The following MGMT variants were observed in gnomAD, a reference collection of about 807,000 sequenced individuals.
MGMT encodes O-6-methylguanine-DNA methyltransferase.
Under a neutral mutation model 15.9 loss-of-function variants are expected in MGMT, and 14 were observed. The ratio of observed to expected loss-of-function variants is 0.88; its 90% CI spans 0.58 to 1.37. The LOEUF is 1.37. Among genes scored for constraint, MGMT ranks in the 40% most tolerant of loss-of-function variants. The probability of loss-of-function intolerance (pLI) is 0.00; values close to 1 mark genes in which losing one functional copy is unlikely to be tolerated. For missense variants in MGMT, 282 were observed against 268.1 expected, an observed-to-expected ratio of 1.05 and a Z score of -0.36; for synonymous variants, 130 against 118.2, an observed-to-expected ratio of 1.10 and a Z score of -0.65.
chr10:129,719,161 G>A (rs557016692), intron 3 of MGMT, among the ~76,000 whole-genome samples: 1 of 150,808 alleles, frequency 6.6e-6, no homozygotes, highest in Non-Finnish European at 1.5e-5. Flanking sequence ...CTGTGTGCCC[G>A]CTCAGGCGTG....
chr10:129,758,722 C>T (rs896303232), intron 3 of MGMT, among the ~76,000 whole-genome samples: 3 of 152,212 alleles, frequency 2.0e-5, no homozygotes, highest in East Asian at 1.9e-4. Flanking sequence ...GAATCCTGCA[C>T]GCGGCTGGAG....
At position 129,555,521 on chromosome 10, in the gene MGMT, G is replaced by T. The variant is rs573656393; in HGVS notation, c.125+19144G>T. Among the ~76,000 whole-genome samples the T allele has an allele frequency of 2.0e-5, 3 of 152,042 alleles. No individual in the cohort carries two copies. The East Asian group carries it at 5.8e-4, about 30-fold the overall frequency. ...AGGCCAGGAGTTTGAGAACAGCCTGGGCAACATAGATTCTGTCTCTACAAA... is the reference window on the plus strand; with the variant it reads ...AGGCCAGGAGTTTGAGAACAGCCTGTGCAACATAGATTCTGTCTCTACAAA... On this transcript the variant is annotated intron_variant, in intron 2 of 4. Transcript: ENST00000651593.
chr10:129,612,567 G>C (rs1034555498), intron 2 of MGMT, among the ~76,000 whole-genome samples: 2 of 152,202 alleles, frequency 1.3e-5, no homozygotes, highest in African/African-American at 4.8e-5. Flanking sequence ...TGCAGGGCTT[G>C]GGCCGTCCAG....
intron 2 of MGMT, among the ~76,000 whole-genome samples, chr10:129,646,958 A>G (rs1357254975): frequency 6.6e-6 from 1 of 150,970 alleles, no homozygotes; most frequent in Non-Finnish European, 1.5e-5. Flanking sequence ...CTCGCATCTG[A>G]ACACCTGGGA....
At chr10:129,759,924 C>T (rs911643322) in intron 4 of MGMT, among the ~76,000 whole-genome samples, 2 of 152,196 alleles carry the variant, frequency 1.3e-5, no homozygotes, top group African/African-American at 4.8e-5. Context: ...CTAGACCACA[C>T]GCACCTCGTG....
At chr10:129,650,756 G>A (rs778113870) in intron 2 of MGMT, among the ~76,000 whole-genome samples, 1 of 152,180 alleles carries the variant, frequency 6.6e-6, no homozygotes, top group Non-Finnish European at 1.5e-5. Flanking sequence ...GTCACACACT[G>A]TGAAGATGTG....
At chr10:129,618,163 T>C (rs56260121) in intron 2 of MGMT, among the ~76,000 whole-genome samples, 3,933 of 152,272 alleles carry the variant, frequency 0.026, 91 homozygotes, top group South Asian at 0.061. Flanking sequence ...TTTCTAGAAC[T>C]TCTTTGGTAT....
chr10:129,580,953 G>A (rs1490597834), intron 2 of MGMT, among the ~76,000 whole-genome samples: 9 of 152,352 alleles, frequency 5.9e-5, no homozygotes, highest in African/African-American at 2.2e-4. Context: ...TCCAGCCGCT[G>A]TCTGGTCCCA....
intron 2 of MGMT, among the ~76,000 whole-genome samples, chr10:129,702,865 T>G (rs1295066958): frequency 6.6e-6 from 1 of 152,176 alleles, no homozygotes; most frequent in East Asian, 1.9e-4. Context: ...TGTTAGTGTT[T>G]CAGGGTTTGC....
chr10:129,621,440 T>C (rs1847089236), intron 2 of MGMT, among the ~76,000 whole-genome samples: 1 of 152,246 alleles, frequency 6.6e-6, no homozygotes, highest in South Asian at 2.1e-4. Context: ...AGTACTCTTT[T>C]CACGTACGCA....
chr10:129,570,135 A>G (rs1458540933), intron 2 of MGMT, among the ~76,000 whole-genome samples: 1 of 152,268 alleles, frequency 6.6e-6, no homozygotes. Context: ...GACTGCCCAC[A>G]CATTTGCACA....
At chr10:129,605,134 G>A (rs767547879) in intron 2 of MGMT, among the ~76,000 whole-genome samples, 6 of 152,102 alleles carry the variant, frequency 3.9e-5, no homozygotes, top group Non-Finnish European at 8.8e-5. Flanking sequence ...ATTCTTTTGT[G>A]GGAAAGATGT....
chr10:129,469,080 C>T lies in MGMT; in HGVS notation c.-13+1784C>T, dbSNP rs117693716. Among the ~76,000 whole-genome samples, 863 of 152,226 alleles carry T rather than the reference C, an allele frequency of 5.7e-3. 7 individuals carry two copies. The highest frequency in any genetic ancestry group is 0.015 in the South Asian group (73 of 4,808). On this transcript the variant is annotated intron_variant, in intron 1 of 4. Coordinates refer to ENST00000651593, the MANE Select transcript of MGMT (RefSeq NM_002412.5). ...TTGATATCACCTGGGCCTTACTTTT[C>T]GTTGTTTGGGTTTCCTCCCCAGGTG...
At chr10:129,711,715 G>A (rs1025917192) in intron 3 of MGMT, among the ~76,000 whole-genome samples, 6 of 152,136 alleles carry the variant, frequency 3.9e-5, no homozygotes, top group African/African-American at 1.4e-4. Context: ...GCTACTGTGT[G>A]ACCGAGGGCT....
intron 2 of MGMT, among the ~76,000 whole-genome samples, chr10:129,553,268 A>T (rs1364773004): frequency 1.3e-5 from 2 of 152,206 alleles, no homozygotes; most frequent in Non-Finnish European, 1.5e-5. Flanking sequence ...ATATTACATT[A>T]TGTTGAAGTG....
intron 2 of MGMT, among the ~76,000 whole-genome samples, chr10:129,695,782 C>T (rs58310172): frequency 7.2e-5 from 11 of 152,310 alleles, no homozygotes; most frequent in East Asian, 1.9e-4. Flanking sequence ...ATGGAACAGT[C>T]GTGCAGGCGA....
At chr10:129,568,346 C>A (rs1166422303) in intron 2 of MGMT, among the ~76,000 whole-genome samples, 1 of 152,188 alleles carries the variant, frequency 6.6e-6, no homozygotes, top group Non-Finnish European at 1.5e-5. Flanking sequence ...ACCTGGGGGT[C>A]TCCTTGTGCC....
intron 2 of MGMT, among the ~76,000 whole-genome samples, chr10:129,676,874 G>A (rs1488241966): frequency 6.6e-6 from 1 of 152,042 alleles, no homozygotes; most frequent in Non-Finnish European, 1.5e-5. Flanking sequence ...ACAGATACTG[G>A]GCATTATGAG....
intron 2 of MGMT, among the ~76,000 whole-genome samples, chr10:129,643,259 G>C (rs1200360651): frequency 2.6e-5 from 4 of 151,222 alleles, no homozygotes; most frequent in African/African-American, 7.3e-5. Context: ...GGAGATAGCA[G>C]ATTAGAGATC....
Sources: gnomAD v4.1 joint callset for allele counts (sites outside exome capture counted in the v4.1 genomes callset) on GRCh38, gnomAD v4.1.1 for gene constraint, MANE v1.5 for transcripts, NCBI Gene and HGNC (gene_info 2026-07-23, HGNC 2026-07-21) for gene names.